Variants in LINS1 observed in about 807,000 individuals in gnomAD.
LINS1 encodes the protein lines homolog 1.
Under a neutral mutation model 41.6 loss-of-function variants are expected in LINS1, and 27 were observed. The ratio of observed to expected loss-of-function variants is 0.65; its 90% CI spans 0.48 to 0.89. LINS1 has a LOEUF of 0.89. LINS1 is among the 40% of genes least tolerant of loss of function. LINS1 has a pLI of 0.00. For synonymous variants in LINS1, 336 were observed against 312.9 expected (o/e 1.07, Z -0.78); for missense variants, 955 against 884.1 (o/e 1.08, Z -1.02).
intron 1 of LINS1, among the ~76,000 whole-genome samples, chr15:100,584,999 C>T (rs988068934): frequency 1.3e-5 from 2 of 152,230 alleles, no homozygotes; most frequent in Non-Finnish European, 2.9e-5. Context: ...GGCTCCAAAT[C>T]CTGTCATTAC....
chr15:100,575,265 C>T (rs561415958), intron 3 of LINS1, 137 bp from the exon 4 acceptor site: 5 of 657,842 alleles, frequency 7.6e-6, no homozygotes, highest in Non-Finnish European at 1.3e-5. Flanking sequence ...ACAGAAGTAT[C>T]CTAATATTAT....
intron 6 of LINS1, 51 bp downstream of exon 6, chr15:100,571,843 C>G (rs775088279): frequency 2.5e-6 from 4 of 1,600,230 alleles, no homozygotes; most frequent in African/African-American, 2.7e-5. Flanking sequence ...GAAATGTTTT[C>G]TGCTTTCCTG....
At chr15:100,595,911 A>T (rs2039223206) in intron 1 of LINS1, among the ~76,000 whole-genome samples, 1 of 152,182 alleles carries the variant, frequency 6.6e-6, no homozygotes, top group South Asian at 2.1e-4. Context: ...CCCTCCACCA[A>T]TCGAAACTGC....
chr15:100,573,543 C>T lies in LINS1; in HGVS notation c.1222+108G>A, dbSNP rs2062816. On this transcript the variant is annotated intron_variant, in intron 5 of 6. Coordinates refer to ENST00000314742, the MANE Select transcript of LINS1 (RefSeq NM_001040616.3). ...AATAAGTTACAAATAGGATAACATA[C>T]AGCTTAAATTACTGGAATTTAAACT... 0.43 allele frequency: 341,231 copies of T among 799,524 alleles called. 74,942 individuals are homozygous for T. Among genetic ancestry groups the T allele is most frequent in the Non-Finnish European group, 0.47 (237,384 of 503,074 alleles). The allele number at this position is 799,524 out of a possible 1,614,324, so 49.5% of individuals were successfully genotyped here. A position where few individuals can be genotyped will look rare whatever the true frequency, so the allele number is the denominator to read the frequency against.
chr15:100,574,313 T>C, intron 4 of LINS1, 72 bp from the exon 5 acceptor site: 1 of 987,912 alleles, frequency 1.0e-6, no homozygotes, highest in Non-Finnish European at 1.6e-6. Context: ...ATTCACTTTT[T>C]ATAAATATCA....
chr15:100,602,003 C>T (rs2039523039), intron 1 of LINS1, 118 bp downstream of exon 1: 2 of 152,302 alleles, frequency 1.3e-5, no homozygotes, highest in Admixed American at 1.3e-4. Flanking sequence ...CAAGGCACCC[C>T]TCTACTCGCT....
chr15:100,569,861 T>C lies in LINS1; in HGVS notation c.1651A>G (p.Lys551Glu). The change falls in exon 7 of 7, where the codon AAA becomes GAA. Residue 551 changes from lysine (K) to glutamate (E), a missense_variant. Lys to Glu is a moderately conservative substitution (Grantham distance 56, BLOSUM62 1). Transcript: ENST00000314742. The part of the protein sequence containing the change: ...ICNNFDATES[K>E]YDISICGCVP... ...CAGCCACAAATACTTATGTCATATT[T>C]AGATTCAGTTGCATCAAAGTTATTG... The C allele has an allele frequency of 1.2e-6, 2 of 1,614,136 alleles. No homozygotes were observed. Among genetic ancestry groups the C allele is most frequent in the Non-Finnish European group, 1.7e-6 (2 of 1,179,976 alleles).
intron 1 of LINS1, among the ~76,000 whole-genome samples, chr15:100,594,435 C>T (rs6598363): frequency 0.97 from 147,128 of 152,220 alleles, 71,444 homozygotes; most frequent in Non-Finnish European, 1. Context: ...GTCAGTGACA[C>T]GGTTTTCTGG....
At chr15:100,578,329 A>G (rs2038315197) in intron 3 of LINS1, among the ~76,000 whole-genome samples, 1 of 152,114 alleles carries the variant, frequency 6.6e-6, no homozygotes, top group African/African-American at 2.4e-5. Flanking sequence ...AATTTACAAG[A>G]AAAAAACAAA....
In LINS1 at chr15:100,593,324, G is replaced by C. The variant is rs958906703; in HGVS notation, c.-104+8797C>G. On this transcript the variant is annotated intron_variant, in intron 1 of 6. Transcript: ENST00000314742. ...TGAAATCCCACACCAAGTGGCCTAA[G>C]GGTTACCCATATTAAGTATAAAATC... 3.3e-5 allele frequency among the ~76,000 whole-genome samples: 5 copies of C among 152,196 alleles called. No individual in the cohort carries two copies. In the South Asian group the frequency reaches 6.2e-4, roughly 19 times the overall value.
intron 1 of LINS1, among the ~76,000 whole-genome samples, chr15:100,586,718 A>G (rs7180254): frequency 0.45 from 68,205 of 152,110 alleles, 15,981 homozygotes; most frequent in Non-Finnish European, 0.53. Context: ...ATGAAATACC[A>G]TAGTAAGAAA....
At chr15:100,596,418 CTT>C (rs10564759) in intron 1 of LINS1, among the ~76,000 whole-genome samples, 57,910 of 151,948 alleles carry the variant, frequency 0.38, 11,765 homozygotes, top group Non-Finnish European at 0.47. Flanking sequence ...CTATTAAACT[CTT>C]GTCTTAGGAC....
intron 1 of LINS1, among the ~76,000 whole-genome samples, chr15:100,601,071 G>A (rs2039470031): frequency 6.6e-6 from 1 of 152,088 alleles, no homozygotes; most frequent in Non-Finnish European, 1.5e-5. Flanking sequence ...AGCATCAGAG[G>A]CTTTGCATTT....
At chr15:100,596,236 T>C (rs1259405985) in intron 1 of LINS1, among the ~76,000 whole-genome samples, 2 of 152,212 alleles carry the variant, frequency 1.3e-5, no homozygotes, top group Non-Finnish European at 2.9e-5. Flanking sequence ...GTACTCAAAC[T>C]GTGTCATGCA....
At position 100,569,122 on chromosome 15, in the gene LINS1, CA is replaced by C. The variant is rs56225071; in HGVS notation, c.*115del. 17,707 of 465,538 alleles carry C rather than the reference CA, an allele frequency of 0.038. No individual in the cohort carries two copies. Among genetic ancestry groups the C allele is most frequent in the East Asian group, 0.11 (3,043 of 27,440 alleles). The allele number at this position is 465,538 out of a possible 1,614,324, so 28.8% of individuals were successfully genotyped here. On this transcript the variant is annotated 3_prime_UTR_variant, in exon 7 of 7. Coordinates refer to ENST00000314742, the MANE Select transcript of LINS1 (RefSeq NM_001040616.3). ...TGAGCGACAGAATGAGATTCTGTCT[CA>C]AAAAAAAAAAAAAAAAAGAAAACCC...
chr15:100,592,342 A>G (rs2039075375), intron 1 of LINS1, among the ~76,000 whole-genome samples: 1 of 152,202 alleles, frequency 6.6e-6, no homozygotes, highest in Non-Finnish European at 1.5e-5. Context: ...ATCAACTGAT[A>G]ACACTTTTGG....
intron 1 of LINS1, among the ~76,000 whole-genome samples, chr15:100,598,936 A>G (rs183990919): frequency 4.6e-5 from 7 of 152,290 alleles, no homozygotes; most frequent in Admixed American, 4.6e-4. Context: ...GTGGTCCTTG[A>G]CCTTGGAATC....
chr15:100,570,254 T>A (rs1034812577), intron 6 of LINS1, 137 bp from the exon 7 acceptor site: 8 of 667,842 alleles, frequency 1.2e-5, no homozygotes, highest in Middle Eastern at 4.3e-4. Context: ...AAAGAAAAAA[T>A]TTCAAAACCC....
intron 3 of LINS1, among the ~76,000 whole-genome samples, chr15:100,577,693 C>G (rs2038266350): frequency 6.6e-6 from 1 of 151,990 alleles, no homozygotes; most frequent in African/African-American, 2.4e-5. Context: ...CATATGGAAC[C>G]AAAAAAGAGC....
Sources: allele counts gnomAD v4.1 joint callset (sites outside exome capture counted in the v4.1 genomes callset), GRCh38; gene constraint gnomAD v4.1.1; transcripts MANE v1.5; gene names NCBI Gene and HGNC (gene_info 2026-07-23, HGNC 2026-07-21).